The following DAB1 variants were observed in gnomAD, a reference collection of about 807,000 sequenced individuals.
DAB1 encodes the protein DAB adaptor protein 1, also known as disabled homolog 1.
A neutral mutation model predicts 64.6 loss-of-function variants in DAB1; 15 were observed. The ratio of observed to expected loss-of-function variants is 0.23; its 90% CI spans 0.16 to 0.36. DAB1 has a LOEUF of 0.36. Among genes scored for constraint, DAB1 ranks in the 10% least tolerant of loss-of-function variants. The pLI, the probability that DAB1 is intolerant of heterozygous loss-of-function variation, is 1.00. For synonymous variants in DAB1, 235 were observed against 251.9 expected (o/e 0.93, Z 0.64); for missense variants, 596 against 706.7 (o/e 0.84, Z 1.78).
chr1:58,201,237 C>T (rs531648330), intron 4 of DAB1, among the ~76,000 whole-genome samples: 2 of 152,174 alleles, frequency 1.3e-5, no homozygotes, highest in South Asian at 2.1e-4. Flanking sequence ...AGGATGGTCT[C>T]GATCTCCTGA....
intron 4 of DAB1, among the ~76,000 whole-genome samples, chr1:58,311,794 A>G (rs758783355): frequency 1.3e-5 from 2 of 151,904 alleles, no homozygotes; most frequent in Non-Finnish European, 2.9e-5. Flanking sequence ...AGTCTCTTGC[A>G]CTTCTAACTC....
chr1:58,373,687 T>C (rs1297626350), intron 3 of DAB1, among the ~76,000 whole-genome samples: 1 of 152,178 alleles, frequency 6.6e-6, no homozygotes. Context: ...CATTTGGGTA[T>C]ATACCCAGTA....
At chr1:58,191,875 G>A (rs1315774905) in intron 4 of DAB1, among the ~76,000 whole-genome samples, 2 of 152,178 alleles carry the variant, frequency 1.3e-5, no homozygotes, top group Non-Finnish European at 2.9e-5. Context: ...TGTGATGGGT[G>A]GAGGAACAGA....
At chr1:57,538,912 A>C (rs953911107) in intron 7 of DAB1, among the ~76,000 whole-genome samples, 3 of 152,248 alleles carry the variant, frequency 2.0e-5, no homozygotes, top group Admixed American at 2.0e-4. Context: ...TGCCATGTGC[A>C]GGCAATGAGT....
At chr1:57,678,369 A>G (rs1160883359) in intron 6 of DAB1, among the ~76,000 whole-genome samples, 1 of 152,246 alleles carries the variant, frequency 6.6e-6, no homozygotes, top group Non-Finnish European at 1.5e-5. Flanking sequence ...AAGGGGCTGT[A>G]AGTACTAGAA....
At chr1:57,431,739 C>T (rs928365599) in intron 7 of DAB1, among the ~76,000 whole-genome samples, 1 of 152,160 alleles carries the variant, frequency 6.6e-6, no homozygotes, top group Non-Finnish European at 1.5e-5. Context: ...AGGACTCTTA[C>T]GTTTCAATAC....
chr1:57,431,047 G>A (rs547823738), intron 7 of DAB1, among the ~76,000 whole-genome samples: 1 of 150,970 alleles, frequency 6.6e-6, no homozygotes, highest in Admixed American at 6.6e-5. Flanking sequence ...TTAACCCAAG[G>A]TAGCATGTGA....
intron 1 of DAB1, among the ~76,000 whole-genome samples, chr1:57,310,583 C>T (rs1174068484): frequency 1.3e-5 from 2 of 152,144 alleles, no homozygotes; most frequent in South Asian, 2.1e-4. Flanking sequence ...GGGCTGGCTT[C>T]TCCAATCACT....
chr1:58,365,418 G>T (rs1258196145), intron 3 of DAB1, among the ~76,000 whole-genome samples: 1 of 152,206 alleles, frequency 6.6e-6, no homozygotes, highest in Admixed American at 6.5e-5. Flanking sequence ...CTCCACTTCA[G>T]ATGCAAAGAG....
intron 3 of DAB1, among the ~76,000 whole-genome samples, chr1:58,402,664 G>A (rs995216558): frequency 1.3e-5 from 2 of 151,860 alleles, no homozygotes; most frequent in African/African-American, 2.4e-5. Context: ...GAGAGAGAGG[G>A]AGAGAGGGTG....
chr1:57,984,260 G>GAAAGAAAGA (rs1570163620), intron 5 of DAB1, among the ~76,000 whole-genome samples: 1 of 134,068 alleles, frequency 7.5e-6, no homozygotes. Context: ...AAGAAAGAAA[G>GAAAGAAAGA]AAAAAAAATT....
intron 4 of DAB1, among the ~76,000 whole-genome samples, chr1:57,097,314 G>C (rs1051038881): frequency 6.6e-6 from 1 of 152,070 alleles, no homozygotes; most frequent in African/African-American, 2.4e-5. Context: ...CAAGCTACAG[G>C]TACCATCTGG....
intron 2 of DAB1, among the ~76,000 whole-genome samples, chr1:57,239,568 A>G (rs1668354482): frequency 6.6e-6 from 1 of 152,156 alleles, no homozygotes; most frequent in African/African-American, 2.4e-5. Context: ...GGCCTTTCAC[A>G]TTCCACACTG....
intron 4 of DAB1, among the ~76,000 whole-genome samples, chr1:57,125,480 G>C (rs1182602182): frequency 6.6e-6 from 1 of 151,818 alleles, no homozygotes; most frequent in African/African-American, 2.4e-5. Flanking sequence ...ATACATAGTA[G>C]GTATCATATA....
chr1:58,396,051 A>G (rs965193653), intron 3 of DAB1, among the ~76,000 whole-genome samples: 3 of 142,800 alleles, frequency 2.1e-5, no homozygotes, highest in African/African-American at 2.6e-5. Context: ...GCTACAATCT[A>G]TGTCCTGTCT....
intron 4 of DAB1, among the ~76,000 whole-genome samples, chr1:58,319,917 AT>A (rs1662644079): frequency 6.6e-6 from 1 of 152,138 alleles, no homozygotes; most frequent in South Asian, 2.1e-4. Flanking sequence ...CTTGTTCAGG[AT>A]TTGCTTGGAA....
chr1:57,678,983 G>GT (rs1646604347), intron 6 of DAB1, among the ~76,000 whole-genome samples: 1 of 151,860 alleles, frequency 6.6e-6, no homozygotes, highest in African/African-American at 2.4e-5. Flanking sequence ...GTGTTAGCCA[G>GT]GAAGGTCTCG....
chr1:57,353,531 T>C (rs11590689), intron 1 of DAB1, among the ~76,000 whole-genome samples: 79,902 of 151,810 alleles, frequency 0.53, 21,809 homozygotes, highest in African/African-American at 0.59. Flanking sequence ...GTGCTTGCCA[T>C]GGCTTCGATT....
chr1:57,735,685 T>C (rs1410319221), intron 6 of DAB1, among the ~76,000 whole-genome samples: 1 of 150,456 alleles, frequency 6.6e-6, no homozygotes, highest in African/African-American at 2.4e-5. Flanking sequence ...AACAATTTCC[T>C]GGTATAGTTG....
Sources: allele counts gnomAD v4.1 joint callset (sites outside exome capture counted in the v4.1 genomes callset), GRCh38; gene constraint gnomAD v4.1.1; transcripts MANE v1.5; gene names NCBI Gene and HGNC (gene_info 2026-07-23, HGNC 2026-07-21).